Variants in AGMO observed in about 807,000 individuals in gnomAD.
The protein encoded by AGMO is glyceryl-ether monooxygenase.
AGMO carries 75 observed loss-of-function variants against 60.2 expected under a neutral mutation model. That is an observed-to-expected ratio of 1.25 (90% CI 1.03 to 1.51). The LOEUF (loss-of-function observed/expected upper bound fraction) is 1.51. Among genes scored for constraint, AGMO ranks in the 40% most tolerant of loss-of-function variants. AGMO has a pLI of 0.00. For synonymous variants in AGMO, 261 were observed against 177.1 expected (o/e 1.47, Z -3.76); for missense variants, 763 against 525.5 (o/e 1.45, Z -4.42).
chr7:15,143,956 T>G, the AGMO span, among the ~76,000 whole-genome samples: 3 of 152,318 alleles, frequency 2.0e-5, no homozygotes, highest in African/African-American at 4.8e-5. Flanking sequence ...CATTGTAAAT[T>G]ATACATTTCA....
At chr7:15,336,916 A>C (rs1781683255) in intron 12 of AGMO, among the ~76,000 whole-genome samples, 1 of 152,186 alleles carries the variant, frequency 6.6e-6, no homozygotes, top group Non-Finnish European at 1.5e-5. Flanking sequence ...AACCATTTTG[A>C]CACCTGGTCC....
the AGMO span, among the ~76,000 whole-genome samples, chr7:15,149,240 TA>T: frequency 7.9e-5 from 12 of 152,212 alleles, no homozygotes; most frequent in Admixed American, 2.0e-4. Flanking sequence ...GCATGGTTTG[TA>T]AATATTTTCT....
At chr7:15,470,464 T>C (rs148248343) in intron 3 of AGMO, among the ~76,000 whole-genome samples, 209 of 152,086 alleles carry the variant, frequency 1.4e-3, no homozygotes, top group African/African-American at 4.9e-3. Flanking sequence ...TAAAGTCAAA[T>C]TGTTTCTAAA....
chr7:15,194,957 G>C, the AGMO span, among the ~76,000 whole-genome samples: 5 of 152,276 alleles, frequency 3.3e-5, no homozygotes, highest in East Asian at 9.7e-4. Flanking sequence ...TGTGTTAGTT[G>C]CATTTGTCTA....
At chr7:15,250,608 T>C (rs902965484) in intron 12 of AGMO, among the ~76,000 whole-genome samples, 6 of 151,888 alleles carry the variant, frequency 4.0e-5, no homozygotes, top group Non-Finnish European at 7.4e-5. Context: ...ACTAAATTAA[T>C]TTGCAGATAT....
chr7:15,306,713 C>T (rs553099187), intron 12 of AGMO: 6 of 314,670 alleles, frequency 1.9e-5, no homozygotes, highest in Non-Finnish European at 3.7e-5. Context: ...TAAGTTTTCA[C>T]CTACTATTTT....
At chr7:15,459,729 G>A (rs370038118) in intron 3 of AGMO, among the ~76,000 whole-genome samples, 190 of 151,896 alleles carry the variant, frequency 1.3e-3, no homozygotes, top group Middle Eastern at 6.8e-3. Flanking sequence ...TTTTAAAACT[G>A]CATGGACTGT....
intron 1 of AGMO, among the ~76,000 whole-genome samples, chr7:15,560,884 G>T (rs897642706): frequency 7.9e-5 from 12 of 152,024 alleles, no homozygotes; most frequent in African/African-American, 2.7e-4. Flanking sequence ...CATTGAATTT[G>T]GTTTGATATT....
chr7:15,124,855 T>C, the AGMO span, among the ~76,000 whole-genome samples: 1 of 152,032 alleles, frequency 6.6e-6, no homozygotes, highest in Non-Finnish European at 1.5e-5. Context: ...GCTGAAGTCA[T>C]GGAAGCACTT....
chr7:15,370,074 G>A (rs1404711688), intron 10 of AGMO, among the ~76,000 whole-genome samples: 1 of 151,866 alleles, frequency 6.6e-6, no homozygotes, highest in African/African-American at 2.4e-5. Flanking sequence ...TTATTCCTTA[G>A]TCCCCAGTGT....
chr7:15,176,045 T>C, the AGMO span, among the ~76,000 whole-genome samples: 1 of 151,998 alleles, frequency 6.6e-6, no homozygotes, highest in Non-Finnish European at 1.5e-5. Context: ...TTGGGAGCAA[T>C]AGGTAACGAC....
Position 15,295,829 on chromosome 7 carries a change from G to A in AGMO, c.1263+69685C>T, listed in dbSNP as rs140111355. On this transcript the variant is annotated intron_variant, in intron 12 of 12. Transcript: ENST00000342526. ...TTTAAGAAATGCAATGCTCAACGCA[G>A]TTTTAACAGTCAAAATGTTAATAAA... Among the ~76,000 whole-genome samples, 372 of 152,178 alleles carry A rather than the reference G, an allele frequency of 2.4e-3. 1 individual carries two copies. Among genetic ancestry groups the A allele is most frequent in the African/African-American group, 8.1e-3 (335 of 41,546 alleles).
chr7:15,559,518 T>C (rs1232695148), intron 2 of AGMO, among the ~76,000 whole-genome samples: 1 of 151,982 alleles, frequency 6.6e-6, no homozygotes, highest in Non-Finnish European at 1.5e-5. Context: ...GCCTGTGGCA[T>C]GTGGACAATG....
At chr7:15,222,823 C>T (rs372745168) in intron 12 of AGMO, among the ~76,000 whole-genome samples, 142 of 152,046 alleles carry the variant, frequency 9.3e-4, no homozygotes, top group African/African-American at 3.3e-3. Flanking sequence ...GAAATTTACC[C>T]CATATACTTT....
chr7:15,385,656 A>C (rs576856457), intron 9 of AGMO, 94 bp from the exon 10 acceptor site: 1 of 736,406 alleles, frequency 1.4e-6, no homozygotes, highest in Non-Finnish European at 2.3e-6. Flanking sequence ...AGTATCTGCT[A>C]TTTTTTTTAA....
intron 12 of AGMO, among the ~76,000 whole-genome samples, chr7:15,312,492 CA>C: frequency 9.4e-6 from 1 of 105,870 alleles, no homozygotes; most frequent in Non-Finnish European, 1.7e-5. Context: ...TTAGTGTGCC[CA>C]AAAAAAACAG....
Position 15,265,328 on chromosome 7 carries a change from G to A in AGMO, c.1264-63969C>T, listed in dbSNP as rs566468411. ...AGAAGTGTGGGCTAAAGAACTACCT[G>A]TTGGGTACTATGCTTTCTGCCCTGG... On this transcript the variant is annotated intron_variant, in intron 12 of 12. Coordinates refer to ENST00000342526, the MANE Select transcript of AGMO (RefSeq NM_001004320.2). Among the ~76,000 whole-genome samples, 5 of 152,072 alleles carry A rather than the reference G, an allele frequency of 3.3e-5. No individual in the cohort carries two copies. The East Asian group carries it at 9.7e-4, about 30-fold the overall frequency.
chr7:15,493,494 C>T (rs918111038), intron 3 of AGMO, among the ~76,000 whole-genome samples: 2 of 150,218 alleles, frequency 1.3e-5, no homozygotes, highest in African/African-American at 4.9e-5. Context: ...CTGCCTCAGC[C>T]TCCCGCGTAG....
intron 10 of AGMO, among the ~76,000 whole-genome samples, chr7:15,366,954 T>C (rs1171315437): frequency 2.0e-5 from 3 of 152,082 alleles, no homozygotes; most frequent in Admixed American, 6.6e-5. Context: ...CTTGCAAATA[T>C]GCTTTGTGCT....
Sources: gnomAD v4.1 joint callset for allele counts (sites outside exome capture counted in the v4.1 genomes callset) on GRCh38, gnomAD v4.1.1 for gene constraint, MANE v1.5 for transcripts, NCBI Gene and HGNC (gene_info 2026-07-23, HGNC 2026-07-21) for gene names.